The following CAMK1D variants were observed in gnomAD, a reference collection of about 807,000 sequenced individuals.
CAMK1D encodes the protein calcium/calmodulin dependent protein kinase ID.
A neutral mutation model predicts 47.7 loss-of-function variants in CAMK1D; 9 were observed. The ratio of observed to expected loss-of-function variants is 0.19; its 90% confidence interval spans 0.11 to 0.33. CAMK1D has a LOEUF of 0.33. Among genes scored for constraint, CAMK1D ranks in the 10% least tolerant of loss-of-function variants. CAMK1D has a pLI of 1.00. For missense variants in CAMK1D, 291 were observed against 488.7 expected (o/e 0.60, Z 3.81); for synonymous variants, 184 against 184.9 (o/e 0.99, Z 0.04).
At chr10:12,681,432 C>T (rs887387108) in intron 3 of CAMK1D, among the ~76,000 whole-genome samples, 9 of 152,364 alleles carry the variant, frequency 5.9e-5, no homozygotes, top group South Asian at 2.1e-4. Flanking sequence ...AACACCTGAC[C>T]GCAGCGCAGC....
At chr10:12,419,193 C>T (rs932729140) in intron 1 of CAMK1D, among the ~76,000 whole-genome samples, 3 of 151,922 alleles carry the variant, frequency 2.0e-5, no homozygotes, top group Non-Finnish European at 4.4e-5. Context: ...CATATATTTT[C>T]CTCAAAACTC....
chr10:12,757,297 A>G (rs1588891943), intron 3 of CAMK1D, among the ~76,000 whole-genome samples: 2 of 152,162 alleles, frequency 1.3e-5, no homozygotes, highest in East Asian at 3.9e-4. Context: ...TAATTTATTG[A>G]TATATTACTG....
intron 3 of CAMK1D, among the ~76,000 whole-genome samples, chr10:12,747,006 T>G (rs533068409): frequency 2.8e-5 from 4 of 142,016 alleles, no homozygotes; most frequent in African/African-American, 5.4e-5. Flanking sequence ...GAAAGAGTTG[T>G]TTTTTTTTTA....
intron 1 of CAMK1D, among the ~76,000 whole-genome samples, chr10:12,378,950 C>A (rs1838265164): frequency 2.0e-5 from 3 of 151,936 alleles, no homozygotes; most frequent in Non-Finnish European, 4.4e-5. Context: ...GCTGGGACTA[C>A]AGGCACATAC....
chr10:12,366,847 CTG>C (rs757293082), intron 1 of CAMK1D, among the ~76,000 whole-genome samples: 11 of 152,068 alleles, frequency 7.2e-5, no homozygotes, highest in Non-Finnish European at 1.5e-4. Context: ...GCCTGAGTCA[CTG>C]TGCATTGGCT....
At chr10:12,734,825 G>A (rs1170976126) in intron 3 of CAMK1D, among the ~76,000 whole-genome samples, 3 of 151,998 alleles carry the variant, frequency 2.0e-5, no homozygotes, top group Non-Finnish European at 4.4e-5. Context: ...TGCCTTTCAG[G>A]CCTGCTGTTT....
At chr10:12,704,284 G>GTAGC (rs1833646506) in intron 3 of CAMK1D, among the ~76,000 whole-genome samples, 1 of 152,162 alleles carries the variant, frequency 6.6e-6, no homozygotes, top group Non-Finnish European at 1.5e-5. Flanking sequence ...TCATATAAAT[G>GTAGC]TAGCTAATTA....
At chr10:12,657,185 G>A (rs925631025) in intron 2 of CAMK1D, among the ~76,000 whole-genome samples, 2 of 152,152 alleles carry the variant, frequency 1.3e-5, no homozygotes, top group African/African-American at 4.8e-5. Flanking sequence ...CCAGCACTTT[G>A]GGAGGCCGAG....
intron 3 of CAMK1D, among the ~76,000 whole-genome samples, chr10:12,716,289 C>T (rs1032500437): frequency 6.6e-6 from 1 of 152,162 alleles, no homozygotes; most frequent in Non-Finnish European, 1.5e-5. Context: ...ATCAGCACCC[C>T]TGGCTTCCAC....
intron 5 of CAMK1D, among the ~76,000 whole-genome samples, chr10:12,779,246 T>C (rs1837391373): frequency 6.6e-6 from 1 of 152,142 alleles, no homozygotes; most frequent in African/African-American, 2.4e-5. Context: ...GTCTCGGCAA[T>C]AAGAGATAAA....
intron 2 of CAMK1D, among the ~76,000 whole-genome samples, chr10:12,607,209 T>C (rs764412140): frequency 6.6e-6 from 1 of 152,228 alleles, no homozygotes; most frequent in African/African-American, 2.4e-5. Flanking sequence ...TGCCCATTTA[T>C]GCTTCTTTCC....
In CAMK1D at chr10:12,825,597, G is replaced by A. The variant is rs770233179; in HGVS notation, c.946G>A (p.Val316Ile). Residue 316 changes from valine (V) to isoleucine (I), a missense_variant, in exon 10 of 11, where the codon GTC becomes ATC. Around this residue, in one of 2 missense-constraint regions of CAMK1D, gnomAD observed 219 missense variants for 424.3 expected, o/e 0.52. Transcript: ENST00000619168. ...GCAAGCATTTAATGCCACGGCCGTCGTCAGACATATGAGAAAACTACACCT... is the reference window on the plus strand; with the variant it reads ...GCAAGCATTTAATGCCACGGCCGTCATCAGACATATGAGAAAACTACACCT... Reference protein sequence around the residue: ...WRQAFNATAVVRHMRKLHLGS... With the variant: ...WRQAFNATAVIRHMRKLHLGS... The A allele has an allele frequency of 8.7e-6, 14 of 1,610,192 alleles. No homozygotes were observed. The highest frequency in any genetic ancestry group is 5.1e-5 in the Admixed American group (3 of 58,918).
chr10:12,498,893 T>G (rs1440347227), intron 1 of CAMK1D, among the ~76,000 whole-genome samples: 1 of 152,200 alleles, frequency 6.6e-6, no homozygotes, highest in Admixed American at 6.5e-5. Context: ...TAATATTGCC[T>G]TGCTTTGTCT....
intron 1 of CAMK1D, among the ~76,000 whole-genome samples, chr10:12,358,572 T>C (rs568882478): frequency 2.0e-5 from 3 of 152,124 alleles, no homozygotes; most frequent in Non-Finnish European, 2.9e-5. Flanking sequence ...TTCTGTCTCC[T>C]GGTGAACACT....
intron 1 of CAMK1D, among the ~76,000 whole-genome samples, chr10:12,505,067 T>TTC (rs1834829398): frequency 6.6e-6 from 1 of 152,246 alleles, no homozygotes; most frequent in Non-Finnish European, 1.5e-5. Flanking sequence ...TTTGTTTTAG[T>TTC]TCTTGGCATT....
chr10:12,809,567 G>A (rs1832515614), intron 6 of CAMK1D, among the ~76,000 whole-genome samples: 1 of 152,196 alleles, frequency 6.6e-6, no homozygotes, highest in Non-Finnish European at 1.5e-5. Flanking sequence ...AGAGAATTCT[G>A]CAACATGTGA....
At chr10:12,623,847 G>A (rs981787325) in intron 2 of CAMK1D, among the ~76,000 whole-genome samples, 3 of 152,192 alleles carry the variant, frequency 2.0e-5, no homozygotes, top group African/African-American at 7.2e-5. Context: ...GGGAGGCAGA[G>A]GCAGGTGGAT....
Position 12,458,507 on chromosome 10 carries a change from C to T in CAMK1D, c.93-94718C>T, listed in dbSNP as rs150626349. Among the ~76,000 whole-genome samples, 32 of 152,278 alleles carry T rather than the reference C, an allele frequency of 2.1e-4. No individual in the cohort carries two copies. In the East Asian group the frequency reaches 5.6e-3, roughly 27 times the overall value. Reference sequence around the variant, plus strand: ...TCATAGCTCACCACAGCCTCTACCTCCTGGCCTCAAGTGATCCTCCCACCT... The same window carrying T: ...TCATAGCTCACCACAGCCTCTACCTTCTGGCCTCAAGTGATCCTCCCACCT... On this transcript the variant is annotated intron_variant, in intron 1 of 10. Coordinates refer to ENST00000619168, the MANE Select transcript of CAMK1D (RefSeq NM_153498.4).
chr10:12,615,445 CATGTGTGTGT>C (rs1267588988), intron 2 of CAMK1D, among the ~76,000 whole-genome samples: 1 of 151,328 alleles, frequency 6.6e-6, no homozygotes, highest in Non-Finnish European at 1.5e-5. Flanking sequence ...TGAGTGTGTG[CATGTGTGTGT>C]GTAGGTGTGA....
Sources: allele counts gnomAD v4.1 joint callset (sites outside exome capture counted in the v4.1 genomes callset), GRCh38; gene constraint gnomAD v4.1.1; regional missense constraint gnomAD v4.1.1; transcripts MANE v1.5; gene names NCBI Gene and HGNC (gene_info 2026-07-23, HGNC 2026-07-21).